DAP: variants seen among roughly 807,000 people sequenced by gnomAD.
The protein encoded by DAP is death-associated protein 1.
DAP carries 8 observed loss-of-function variants against 13.8 expected under a neutral mutation model. The observed-to-expected ratio is 0.58, with a 90% CI of 0.34 to 1.05. DAP has a LOEUF of 1.05. DAP is among the 50% of genes least tolerant of loss of function. DAP has a pLI of 0.03. For synonymous variants in DAP, 47 were observed against 47.5 expected (o/e 0.99, Z 0.04); for missense variants, 106 against 133.2 (o/e 0.80, Z 1.01).
intron 2 of DAP, among the ~76,000 whole-genome samples, chr5:10,736,334 T>A (rs1021107745): frequency 9.2e-5 from 14 of 152,350 alleles, no homozygotes; most frequent in South Asian, 4.1e-4. Flanking sequence ...CCAGCCTGCC[T>A]GGAAGTTCTG....
chr5:10,731,200 G>A (rs1739449823), intron 2 of DAP, among the ~76,000 whole-genome samples: 1 of 135,334 alleles, frequency 7.4e-6, no homozygotes, highest in Non-Finnish European at 1.6e-5. Flanking sequence ...AGCCCTGGTG[G>A]GGGGAATCTT....
At chr5:10,752,667 T>C (rs920742206) in intron 1 of DAP, among the ~76,000 whole-genome samples, 2 of 152,234 alleles carry the variant, frequency 1.3e-5, no homozygotes, top group East Asian at 1.9e-4. Context: ...CATGTGCCTG[T>C]GCATAAGTGT....
chr5:10,732,971 C>T (rs1739502601), intron 2 of DAP, among the ~76,000 whole-genome samples: 2 of 152,158 alleles, frequency 1.3e-5, no homozygotes, highest in African/African-American at 4.8e-5. Context: ...TTCCCCCAGT[C>T]CCTGGTAAGC....
Position 10,735,978 on chromosome 5 carries a change from A to G in DAP, c.152+12197T>C, listed in dbSNP as rs138298047. Among the ~76,000 whole-genome samples the G allele has an allele frequency of 8.1e-3, 1,239 of 152,304 alleles. 6 individuals are homozygous for G. The highest frequency in any genetic ancestry group is 0.013 in the Non-Finnish European group (859 of 68,026). On this transcript the variant is annotated intron_variant, in intron 2 of 3. Coordinates refer to ENST00000230895, the MANE Select transcript of DAP (RefSeq NM_004394.3). Reference sequence around the variant, plus strand: ...GGGTTGTTGCAGATGTAATTAGTTAAGAAGAGGTCATACTGGAGAAGGGTA... The same window carrying G: ...GGGTTGTTGCAGATGTAATTAGTTAGGAAGAGGTCATACTGGAGAAGGGTA...
At chr5:10,742,228 G>A (rs546470019) in intron 2 of DAP, among the ~76,000 whole-genome samples, 5 of 152,216 alleles carry the variant, frequency 3.3e-5, no homozygotes, top group African/African-American at 7.2e-5. Context: ...TTATTTTACC[G>A]TATGGGTTAA....
chr5:10,756,770 G>C (rs1295309783), intron 1 of DAP, among the ~76,000 whole-genome samples: 1 of 152,184 alleles, frequency 6.6e-6, no homozygotes, highest in African/African-American at 2.4e-5. Context: ...GACTCACAAA[G>C]ACTGGCAGAA....
intron 3 of DAP, among the ~76,000 whole-genome samples, chr5:10,682,045 TGTGG>T (rs1738025553): frequency 6.6e-6 from 1 of 150,956 alleles, no homozygotes; most frequent in African/African-American, 2.4e-5. Flanking sequence ...GCATGGTGTT[TGTGG>T]GTGAGGAAGC....
chr5:10,750,021 G>T (rs1299753805), intron 1 of DAP, among the ~76,000 whole-genome samples: 1 of 152,162 alleles, frequency 6.6e-6, no homozygotes, highest in Non-Finnish European at 1.5e-5. Context: ...GTTCGGGAGA[G>T]TGGGGTGCTG....
chr5:10,694,665 G>A (rs1331005044), intron 2 of DAP, among the ~76,000 whole-genome samples: 2 of 152,212 alleles, frequency 1.3e-5, no homozygotes, highest in African/African-American at 2.4e-5. Context: ...TAGCACTTGT[G>A]TAACAGAGAG....
At chr5:10,710,598 G>A (rs1191513875) in intron 2 of DAP, among the ~76,000 whole-genome samples, 1 of 152,212 alleles carries the variant, frequency 6.6e-6, no homozygotes, top group African/African-American at 2.4e-5. Context: ...TGCAGAGGAA[G>A]GCACGAGGGT....
At chr5:10,747,241 G>A (rs371039605) in intron 2 of DAP, among the ~76,000 whole-genome samples, 13 of 152,212 alleles carry the variant, frequency 8.5e-5, no homozygotes, top group South Asian at 8.3e-4. Flanking sequence ...ACGAGCTCCC[G>A]CAGAGGTGTG....
chr5:10,757,742 C>A (rs1579826486), intron 1 of DAP, among the ~76,000 whole-genome samples: 1 of 152,150 alleles, frequency 6.6e-6, no homozygotes, highest in South Asian at 2.1e-4. Context: ...GCCAAGAGGA[C>A]CACCTGCATC....
chr5:10,680,614 G>C lies in DAP; in HGVS notation c.*442C>G. Reference sequence around the variant, plus strand: ...GGGGCCGCCCAAACTCATTCCCTTAGTTCTTACTCTCCCACAGGTGTTGAG... The same window carrying C: ...GGGGCCGCCCAAACTCATTCCCTTACTTCTTACTCTCCCACAGGTGTTGAG... On this transcript the variant is annotated 3_prime_UTR_variant, in exon 4 of 4. Coordinates refer to ENST00000230895, the MANE Select transcript of DAP (RefSeq NM_004394.3). 14 of 997,220 alleles carry C rather than the reference G, an allele frequency of 1.4e-5. No homozygotes were observed. The South Asian group carries it at 2.4e-4, about 17-fold the overall frequency. The allele number at this position is 997,220 out of a possible 1,614,324, so 61.8% of individuals were successfully genotyped here.
chr5:10,680,426 C>A lies in DAP; in HGVS notation c.*630G>T. The A allele has an allele frequency of 2.5e-6, 1 of 405,530 alleles. No homozygotes were observed. The highest frequency in any genetic ancestry group is 4.4e-6 in the Non-Finnish European group (1 of 225,506). The allele number at this position is 405,530 out of a possible 1,614,324, so 25.1% of individuals were successfully genotyped here. ...TCCCTCGGAGCTACCTGTCTCCAGC[C>A]TCATTCTTTGGCATGTTGACTCCTG... On this transcript the variant is annotated 3_prime_UTR_variant, in exon 4 of 4. Transcript: ENST00000230895.
intron 2 of DAP, among the ~76,000 whole-genome samples, chr5:10,719,790 A>C (rs1237989124): frequency 6.6e-6 from 1 of 152,206 alleles, no homozygotes; most frequent in African/African-American, 2.4e-5. Context: ...TCTCTCCCAC[A>C]GCCTGCACTG....
At chr5:10,681,256 G>A (rs1196340821) in intron 3 of DAP, 87 bp from the exon 4 acceptor site, 23 of 1,048,880 alleles carry the variant, frequency 2.2e-5, no homozygotes, top group African/African-American at 2.1e-4. Flanking sequence ...GCCCACCAGC[G>A]TCCCTGCGGA....
At chr5:10,730,405 G>C (rs1205563548) in intron 2 of DAP, among the ~76,000 whole-genome samples, 1 of 152,258 alleles carries the variant, frequency 6.6e-6, no homozygotes. Flanking sequence ...GGGGGACTGA[G>C]AGCCCCGGTG....
intron 2 of DAP, among the ~76,000 whole-genome samples, chr5:10,688,460 A>ATAAC (rs1561006823): frequency 1.3e-5 from 2 of 152,226 alleles, no homozygotes; most frequent in East Asian, 1.9e-4. Flanking sequence ...GAGGGTAAAC[A>ATAAC]TAACTTTTAT....
chr5:10,691,088 T>C (rs1180301603), intron 2 of DAP, among the ~76,000 whole-genome samples: 3 of 152,248 alleles, frequency 2.0e-5, no homozygotes, highest in Non-Finnish European at 2.9e-5. Flanking sequence ...TATCAATCTG[T>C]ATTGATCATT....
Sources: gnomAD v4.1 joint callset for allele counts (sites outside exome capture counted in the v4.1 genomes callset) on GRCh38, gnomAD v4.1.1 for gene constraint, MANE v1.5 for transcripts, NCBI Gene and HGNC (gene_info 2026-07-23, HGNC 2026-07-21) for gene names.